The following DNAH9 variants were observed in gnomAD, a reference collection of about 807,000 sequenced individuals.
DNAH9 encodes the protein DNAH9 variant protein.
A neutral mutation model predicts 471.6 loss-of-function variants in DNAH9; 345 were observed. The ratio of observed to expected loss-of-function variants is 0.73; its 90% CI spans 0.67 to 0.80. The LOEUF (loss-of-function observed/expected upper bound fraction) is 0.80, where lower values mean the gene tolerates loss of function less well. Among genes scored for constraint, DNAH9 ranks in the 30% least tolerant of loss-of-function variants. DNAH9 has a pLI of 0.00. For synonymous variants in DNAH9, 2,093 were observed against 2,123.6 expected, an observed-to-expected ratio of 0.99 and a Z score of 0.40; for missense variants, 5,407 against 5,609.2, an observed-to-expected ratio of 0.96 and a Z score of 1.15.
At chr17:11,848,900 G>C (rs1051969368) in intron 49 of DNAH9, among the ~76,000 whole-genome samples, 1 of 151,674 alleles carries the variant, frequency 6.6e-6, no homozygotes, top group Admixed American at 6.6e-5. Flanking sequence ...GCAGTGGCAT[G>C]ATCTCGGCTC....
At chr17:11,865,475 C>T (rs367591567) in intron 50 of DNAH9, among the ~76,000 whole-genome samples, 3 of 151,966 alleles carry the variant, frequency 2.0e-5, no homozygotes, top group Non-Finnish European at 2.9e-5. Flanking sequence ...TTTCAACTTT[C>T]GTGAATCTGA....
chr17:11,719,509 T>G lies in DNAH9; in HGVS notation c.5709+19T>G. The G allele has an allele frequency of 6.3e-7, 1 of 1,584,564 alleles. No individual in the cohort carries two copies. Among genetic ancestry groups the G allele is most frequent in the Non-Finnish European group, 8.6e-7 (1 of 1,161,538 alleles). On this transcript the variant is annotated intron_variant, in intron 27 of 68. Transcript: ENST00000262442. The stretch of plus-strand genomic sequence containing the variant: ...TTACAAGGTACAGTTCCACCCGGCT[T>G]CCTGGGGGTGGGGGTGGGGGATAGG...
At chr17:11,760,644 C>T (rs1967626874) in intron 35 of DNAH9, among the ~76,000 whole-genome samples, 2 of 152,040 alleles carry the variant, frequency 1.3e-5, no homozygotes, top group Non-Finnish European at 2.9e-5. Flanking sequence ...CTCAGCCTCC[C>T]GAGTATCTGG....
intron 63 of DNAH9, 95 bp from the exon 64 acceptor site, chr17:11,931,919 G>GTTTTCCAACACGAACCCTGA: frequency 7.0e-7 from 1 of 1,421,076 alleles, no homozygotes; most frequent in Non-Finnish European, 9.7e-7. Flanking sequence ...ATATGGTAAT[G>GTTTTCCAACACGAACCCTGA]TTTTCCAACA....
intron 61 of DNAH9, among the ~76,000 whole-genome samples, chr17:11,913,918 G>A (rs1256166751): frequency 6.6e-6 from 1 of 152,020 alleles, no homozygotes; most frequent in African/African-American, 2.4e-5. Flanking sequence ...CTTTGTTTTT[G>A]CATAGTCAAG....
chr17:11,664,931 C>G lies in DNAH9; in HGVS notation c.2694C>G (p.Ala898=). 6.2e-7 allele frequency: 1 copy of G among 1,613,298 alleles called. No homozygotes were observed. The change falls in exon 15 of 69, where the codon GCC becomes GCG. Residue 898 remains alanine (A), a synonymous_variant. Coordinates refer to ENST00000262442, the MANE Select transcript of DNAH9 (RefSeq NM_001372.4). ...DNLLLNGFFL[A]IECSLKYLLE... ...TGTTGCTGAATGGATTCTTTCTTGC[C>G]ATTGAGTGCTCCCTCAAGTATCTTC...
chr17:11,697,395 G>C (rs965982841), intron 22 of DNAH9, among the ~76,000 whole-genome samples: 1 of 151,918 alleles, frequency 6.6e-6, no homozygotes, highest in Non-Finnish European at 1.5e-5. Flanking sequence ...GTCATCTGAG[G>C]CCTGCCTGCT....
At chr17:11,896,471 T>G (rs1035198004) in intron 59 of DNAH9, among the ~76,000 whole-genome samples, 2 of 152,266 alleles carry the variant, frequency 1.3e-5, no homozygotes, top group Non-Finnish European at 2.9e-5. Flanking sequence ...TGCCAATCTC[T>G]GATCCAAATA....
chr17:11,927,099 TGA>T (rs138186030), intron 62 of DNAH9, among the ~76,000 whole-genome samples: 3,506 of 152,250 alleles, frequency 0.023, 138 homozygotes, highest in African/African-American at 0.08. Context: ...CATTTTTTAA[TGA>T]GGTTGTTTGT....
chr17:11,768,436 T>C lies in DNAH9; in HGVS notation c.7171-17T>C, dbSNP rs1267963128. The C allele has an allele frequency of 3.7e-6, 6 of 1,608,416 alleles. No individual in the cohort carries two copies. The highest frequency in any genetic ancestry group is 5.1e-6 in the Non-Finnish European group (6 of 1,175,424). On this transcript the variant is annotated splice_polypyrimidine_tract_variant and intron_variant, in intron 36 of 68. Transcript: ENST00000262442. ...GTTCTGGAGGACCTTGTCCCCTGAC[T>C]GTCTTTGTTTTTGCAGCTTGTGGAC... is the stretch of plus-strand genomic sequence containing the variant.
intron 42 of DNAH9, among the ~76,000 whole-genome samples, chr17:11,794,564 A>G (rs571127228): frequency 7.2e-5 from 11 of 152,182 alleles, no homozygotes; most frequent in African/African-American, 2.6e-4. Context: ...CATTTCTGAC[A>G]TGGATTGGTT....
At position 11,793,663 on chromosome 17, in the gene DNAH9, A is replaced by G. The variant is rs1193926705; in HGVS notation, c.8222A>G (p.Asp2741Gly). The G allele has an allele frequency of 6.2e-7, 1 of 1,607,620 alleles. No homozygotes were observed. Among genetic ancestry groups the G allele is most frequent in the Non-Finnish European group, 8.5e-7 (1 of 1,176,598 alleles). ...IQTEVLKKTF[D>G]DIEDPVEQTQ... ...ACAGAAGTGCTCAAGAAAACTTTTG[A>G]TGTGAGTATTGCCCTATGGATTTTC... Residue 2741 changes from aspartate (D) to glycine (G), a missense_variant and splice_region_variant, in exon 42 of 69, where the codon GAT becomes GGT. Coordinates refer to ENST00000262442, the MANE Select transcript of DNAH9 (RefSeq NM_001372.4).
chr17:11,609,543 T>C (rs980272476), intron 2 of DNAH9, among the ~76,000 whole-genome samples: 1 of 152,212 alleles, frequency 6.6e-6, no homozygotes, highest in African/African-American at 2.4e-5. Context: ...TTGTGCCGTA[T>C]CATTTCTCAG....
intron 35 of DNAH9, among the ~76,000 whole-genome samples, chr17:11,762,766 T>TTTG (rs1555584613): frequency 1.1e-5 from 1 of 87,238 alleles, no homozygotes; most frequent in African/African-American, 4.1e-5. Context: ...GCGTTTTTTT[T>TTTG]TTTGTTTTTT....
At chr17:11,853,807 T>C (rs1311746206) in intron 49 of DNAH9, among the ~76,000 whole-genome samples, 196 bp from the exon 50 acceptor site, 2 of 152,224 alleles carry the variant, frequency 1.3e-5, no homozygotes, top group Non-Finnish European at 2.9e-5. Context: ...TGGCTAACCA[T>C]TCAGAGAAGT....
chr17:11,713,842 A>G (rs1389334825), intron 26 of DNAH9, among the ~76,000 whole-genome samples: 4 of 152,186 alleles, frequency 2.6e-5, no homozygotes. Context: ...TTCTAATCAT[A>G]TTTGAGACAG....
In DNAH9 at chr17:11,969,372, C is replaced by T. The variant is rs753449749; in HGVS notation, c.13306C>T (p.Pro4436Ser). 1.7e-5 allele frequency: 28 copies of T among 1,614,012 alleles called. No homozygotes were observed. Among genetic ancestry groups the T allele is most frequent in the Middle Eastern group, 1.7e-4 (1 of 6,050 alleles). ...GCCTGTGATGTTCATCAAGGCCATTCCTGCAGATAAGCAGGACTGCCGCAG... is the reference window on the plus strand; with the variant it reads ...GCCTGTGATGTTCATCAAGGCCATTTCTGCAGATAAGCAGGACTGCCGCAG... ...PMPVMFIKAIPADKQDCRSVY... is the reference protein window; with the variant it reads ...PMPVMFIKAISADKQDCRSVY... Residue 4436 changes from proline (P) to serine (S), a missense_variant, in exon 69 of 69, where the codon CCT (proline) becomes TCT (serine). Around this residue, in one of 3 missense-constraint regions of DNAH9, gnomAD observed 4,636 missense variants for 4,900.3 expected, o/e 0.95. Transcript: ENST00000262442.
intron 32 of DNAH9, 120 bp downstream of exon 32, chr17:11,747,886 G>A: frequency 1.1e-6 from 1 of 904,262 alleles, no homozygotes; most frequent in South Asian, 1.6e-5. Context: ...TGGAACCGCG[G>A]AGGGAGACAA....
At position 11,664,972 on chromosome 17, in the gene DNAH9, C is replaced by T. The variant is rs1218307131; in HGVS notation, c.2731+4C>T. On this transcript the variant is annotated splice_donor_region_variant and intron_variant, in intron 15 of 68. Transcript: ENST00000262442. ...AAGTATCTTCTGGAAAATACTGGTA[C>T]TTACTGGCTTATGGATGTGGGTTAT... 5 of 1,610,576 alleles carry T rather than the reference C, an allele frequency of 3.1e-6. No individual in the cohort carries two copies. Among genetic ancestry groups the T allele is most frequent in the African/African-American group, 1.3e-5 (1 of 74,802 alleles).
Sources: gnomAD v4.1 joint callset for allele counts (sites outside exome capture counted in the v4.1 genomes callset) on GRCh38, gnomAD v4.1.1 for gene constraint, gnomAD v4.1.1 regional missense constraint, MANE v1.5 for transcripts, NCBI Gene and HGNC (gene_info 2026-07-23, HGNC 2026-07-21) for gene names.